Variants in SHCBP1 observed in about 807,000 individuals in gnomAD.
SHCBP1 encodes SHC SH2 domain-binding protein 1.
In SHCBP1, 60 loss-of-function variants were observed where a neutral mutation model predicts 75.1. The ratio of observed to expected loss-of-function variants is 0.80; its 90% confidence interval spans 0.65 to 0.99. The LOEUF (loss-of-function observed/expected upper bound fraction) is 0.99, where lower values mean the gene tolerates loss of function less well. Among genes scored for constraint, SHCBP1 ranks in the 50% least tolerant of loss-of-function variants. SHCBP1 has a pLI of 0.00. For synonymous variants in SHCBP1, 290 were observed against 293.2 expected (o/e 0.99, Z 0.11); for missense variants, 709 against 809.4 (o/e 0.88, Z 1.50).
rs1271530603 is a variant in SHCBP1 at position 46,580,177 on chromosome 16, T to C, written c.*1552A>G. ...TAAGTTGAATAAATGGTTTTTATCT[T>C]AAGGCATCACATCTAGAGGCAAAAA... is the stretch of plus-strand genomic sequence containing the variant. On this transcript the variant is annotated 3_prime_UTR_variant, in exon 13 of 13. Coordinates refer to ENST00000303383, the MANE Select transcript of SHCBP1 (RefSeq NM_024745.5). 1.3e-5 allele frequency among the ~76,000 whole-genome samples: 2 copies of C among 151,796 alleles called. No homozygotes were observed. The highest frequency in any genetic ancestry group is 4.8e-5 in the African/African-American group (2 of 41,336).
intron 11 of SHCBP1, 109 bp downstream of exon 11, chr16:46,583,894 G>A (rs1171974795): frequency 3.9e-6 from 4 of 1,037,990 alleles, no homozygotes; most frequent in Non-Finnish European, 5.7e-6. Flanking sequence ...TGTGTACACT[G>A]TTTATGCTTT....
At chr16:46,609,356 T>G (rs1163657108) in intron 4 of SHCBP1, among the ~76,000 whole-genome samples, 2 of 151,420 alleles carry the variant, frequency 1.3e-5, no homozygotes, top group African/African-American at 4.9e-5. Flanking sequence ...ACAAGAACAA[T>G]TAGTTCCCTC....
chr16:46,620,586 T>G (rs1965570429), intron 1 of SHCBP1: 1 of 152,204 alleles, frequency 6.6e-6, no homozygotes, highest in African/African-American at 2.4e-5. Context: ...GTTGGATAGG[T>G]GGGTTAATAG....
At chr16:46,608,466 G>A (rs989939859) in intron 4 of SHCBP1, 77 bp from the exon 5 acceptor site, 4 of 926,158 alleles carry the variant, frequency 4.3e-6, no homozygotes, top group Non-Finnish European at 6.9e-6. Context: ...GAGAGCTAAA[G>A]AGTAAATCAA....
In SHCBP1 at chr16:46,579,331, G is replaced by A. The variant is rs1039314280; in HGVS notation, c.*2398C>T. 1.3e-5 allele frequency among the ~76,000 whole-genome samples: 2 copies of A among 152,074 alleles called. No homozygotes were observed. Among genetic ancestry groups the A allele is most frequent in the Non-Finnish European group, 2.9e-5 (2 of 68,022 alleles). On this transcript the variant is annotated 3_prime_UTR_variant, in exon 13 of 13. Transcript: ENST00000303383. ...AGATGTTTAACTCTCCATGATTGAG[G>A]CAAAATGTACTGCATATAACTTAAA... is the stretch of plus-strand genomic sequence containing the variant.
intron 4 of SHCBP1, among the ~76,000 whole-genome samples, chr16:46,615,041 G>A (rs1281829902): frequency 6.6e-6 from 1 of 152,134 alleles, no homozygotes; most frequent in Non-Finnish European, 1.5e-5. Context: ...CCGCCCCTGA[G>A]GCAGCAAGAC....
At chr16:46,620,335 T>C (rs1965566364) in intron 1 of SHCBP1, 1 of 152,232 alleles carries the variant, frequency 6.6e-6, no homozygotes, top group Non-Finnish European at 1.5e-5. Context: ...CTATTCACAC[T>C]GCATAACTGA....
At position 46,603,535 on chromosome 16, in the gene SHCBP1, T is replaced by C. The variant is rs765097203; in HGVS notation, c.1213+4A>G. The C allele has an allele frequency of 3.1e-5, 50 of 1,613,982 alleles. No homozygotes were observed. In the Admixed American group the frequency reaches 8.0e-4, roughly 26 times the overall value. On this transcript the variant is annotated splice_donor_region_variant and intron_variant, in intron 8 of 12. Coordinates refer to ENST00000303383, the MANE Select transcript of SHCBP1 (RefSeq NM_024745.5). ...GAGTTTGGTTGTGTGTCTTCCATAC[T>C]CACCTTCCAACTCAATGGAGTCAGC...
chr16:46,596,768 C>T (rs1965150471), intron 9 of SHCBP1, among the ~76,000 whole-genome samples: 1 of 149,972 alleles, frequency 6.7e-6, no homozygotes, highest in Non-Finnish European at 1.5e-5. Context: ...TGCTCTGTTG[C>T]CTGGGCTGGA....
Position 46,579,425 on chromosome 16 carries a change from A to G in SHCBP1, c.*2304T>C, listed in dbSNP as rs1398812374. Among the ~76,000 whole-genome samples the G allele has an allele frequency of 6.6e-6, 1 of 152,252 alleles. No individual in the cohort carries two copies. The highest frequency in any genetic ancestry group is 2.4e-5 in the African/African-American group (1 of 41,464). ...AAAAATTAATATAAGCTTAGATTTA[A>G]GCTAAAATAGACATGAAATCTGAAA... On this transcript the variant is annotated 3_prime_UTR_variant, in exon 13 of 13. Coordinates refer to ENST00000303383, the MANE Select transcript of SHCBP1 (RefSeq NM_024745.5).
Position 46,604,331 on chromosome 16 carries a change from C to G in SHCBP1, c.820G>C (p.Asp274His). Residue 274 changes from aspartate (D) to histidine (H), a missense_variant, in exon 6 of 13, where the codon GAT (aspartate) becomes CAT (histidine). By Grantham distance (81) the Asp-to-His change is moderately conservative. Transcript: ENST00000303383. ...LRSSLSNCNS[D>H]SEQENISMVE... is the part of the protein sequence containing the mutation. Reference sequence around the variant, plus strand: ...ATGGAGATATTTTCCTGCTCGGAATCAGAGTTACAATTTGACAAACTGCTT... The same window carrying G: ...ATGGAGATATTTTCCTGCTCGGAATGAGAGTTACAATTTGACAAACTGCTT... 3 of 1,614,194 alleles carry G rather than the reference C, an allele frequency of 1.9e-6. No individual in the cohort carries two copies. Among genetic ancestry groups the G allele is most frequent in the Non-Finnish European group, 1.7e-6 (2 of 1,180,028 alleles).
Position 46,581,429 on chromosome 16 carries a change from G to T in SHCBP1, c.*300C>A. On this transcript the variant is annotated 3_prime_UTR_variant, in exon 13 of 13. Coordinates refer to ENST00000303383, the MANE Select transcript of SHCBP1 (RefSeq NM_024745.5). ...CTTCCTCGTCTTTGAAGTGCTAAAG[G>T]TAATTACACTAAAAAGTTACTACCA... is the stretch of plus-strand genomic sequence containing the variant. 3.1e-6 allele frequency: 1 copy of T among 323,130 alleles called. No homozygotes were observed. Among genetic ancestry groups the T allele is most frequent in the Non-Finnish European group, 5.7e-6 (1 of 175,224 alleles). 20.0% of individuals were successfully genotyped at this position (323,130 alleles called of 1,614,324 possible). A position where few individuals can be genotyped will look rare whatever the true frequency, so the allele number is the denominator to read the frequency against.
rs1023471274 is a variant in SHCBP1, at chr16:46,583,364, A to G, written c.1693+152T>C. The G allele has an allele frequency of 1.2e-5, 9 of 739,610 alleles. No individual in the cohort carries two copies. In the African/African-American group the frequency reaches 1.6e-4, roughly 13 times the overall value. The allele number at this position is 739,610 out of a possible 1,614,324, so 45.8% of individuals were successfully genotyped here. A position where few individuals can be genotyped will look rare whatever the true frequency, so the allele number is the denominator to read the frequency against. On this transcript the variant is annotated intron_variant, in intron 12 of 12. Coordinates refer to ENST00000303383, the MANE Select transcript of SHCBP1 (RefSeq NM_024745.5). ...AGTTTCTTTCACAGTCTGTAATGTT[A>G]TGACTTAATGTTACCAAGCTTCTCT... is the stretch of plus-strand genomic sequence containing the variant.
chr16:46,606,534 A>T (rs892417444), intron 5 of SHCBP1, among the ~76,000 whole-genome samples: 1 of 152,150 alleles, frequency 6.6e-6, no homozygotes, highest in African/African-American at 2.4e-5. Context: ...ATCAGAATAC[A>T]ATTTTTTTCC....
chr16:46,603,120 A>G (rs185155281), intron 8 of SHCBP1, among the ~76,000 whole-genome samples: 2 of 152,358 alleles, frequency 1.3e-5, no homozygotes, highest in Non-Finnish European at 2.9e-5. Context: ...AACAAAAAAC[A>G]AAAAGCCATG....
chr16:46,619,510 C>T (rs1275366237), intron 1 of SHCBP1, among the ~76,000 whole-genome samples: 1 of 152,190 alleles, frequency 6.6e-6, no homozygotes, highest in African/African-American at 2.4e-5. Flanking sequence ...CAGTACCTTA[C>T]TGGTTATGTG....
rs375185810 is a variant in SHCBP1 at position 46,604,086 on chromosome 16, G to A, written c.981C>T (p.Ser327=). Residue 327 remains serine, a synonymous_variant, in exon 7 of 13, where the codon AGC becomes AGT. Transcript: ENST00000303383. ...SNIQAKGVRS[S]GQKITHVVSS... The stretch of plus-strand genomic sequence containing the variant: ...AGACCACATGAGTGATCTTCTGACC[G>A]CTGGAACGGACACCCTTTGCTTGGA... 4.3e-5 allele frequency: 69 copies of A among 1,614,022 alleles called. No individual in the cohort carries two copies. The highest frequency in any genetic ancestry group is 5.2e-5 in the Non-Finnish European group (61 of 1,180,008).
chr16:46,604,034 G>T lies in SHCBP1; in HGVS notation c.1033C>A (p.Arg345=). The T allele has an allele frequency of 6.2e-7, 1 of 1,614,130 alleles. No individual in the cohort carries two copies. Among genetic ancestry groups the T allele is most frequent in the Non-Finnish European group, 8.5e-7 (1 of 1,180,028 alleles). ...VSSTMMAGLL[R]SLLTDRLCQE... is the part of the protein sequence containing the mutation. ...CAAAGCCTGTCCGTAAGCAGGGACC[G>T]CAGGAGACCAGCCATCATGGTGGAG... The change falls in exon 7 of 13, where the codon CGG becomes AGG. Residue 345 remains arginine (R), a synonymous_variant. Coordinates refer to ENST00000303383, the MANE Select transcript of SHCBP1 (RefSeq NM_024745.5).
intron 9 of SHCBP1, among the ~76,000 whole-genome samples, chr16:46,597,319 T>C (rs1388940784): frequency 6.6e-6 from 1 of 152,090 alleles, no homozygotes; most frequent in Non-Finnish European, 1.5e-5. Context: ...AAAGGCAGAA[T>C]TGCTTGAGCC....
Sources: allele counts gnomAD v4.1 joint callset (sites outside exome capture counted in the v4.1 genomes callset), GRCh38; gene constraint gnomAD v4.1.1; transcripts MANE v1.5; gene names NCBI Gene and HGNC (gene_info 2026-07-23, HGNC 2026-07-21).